The following DOK6 variants were observed in gnomAD, a reference collection of about 807,000 sequenced individuals.
DOK6 encodes the protein docking protein 6.
Under a neutral mutation model 44.0 loss-of-function variants are expected in DOK6, and 22 were observed. That is an observed-to-expected ratio of 0.50 (90% CI 0.36 to 0.71). DOK6 has a LOEUF of 0.71. Among genes scored for constraint, DOK6 ranks in the 30% least tolerant of loss-of-function variants. DOK6 has a pLI of 0.00. For missense variants in DOK6, 340 were observed against 416.4 expected, an observed-to-expected ratio of 0.82 and a Z score of 1.60; for synonymous variants, 166 against 145.5, an observed-to-expected ratio of 1.14 and a Z score of -1.01.
intron 2 of DOK6, among the ~76,000 whole-genome samples, chr18:69,592,997 A>G (rs2144617879): frequency 1.3e-5 from 2 of 152,324 alleles, no homozygotes; most frequent in South Asian, 4.1e-4. Context: ...AAAAAAAGAA[A>G]TGAAGATAGG....
intron 3 of DOK6, among the ~76,000 whole-genome samples, chr18:69,639,096 C>T (rs1256200252): frequency 6.6e-6 from 1 of 152,126 alleles, no homozygotes; most frequent in Non-Finnish European, 1.5e-5. Flanking sequence ...TGTTCTTTCT[C>T]CTGCAGTCTA....
chr18:69,406,846 C>T (rs1916215391), intron 1 of DOK6, among the ~76,000 whole-genome samples: 1 of 152,076 alleles, frequency 6.6e-6, no homozygotes, highest in Admixed American at 6.5e-5. Flanking sequence ...TTTGGGAGGC[C>T]GAGGCTGGCG....
intron 1 of DOK6, among the ~76,000 whole-genome samples, chr18:69,479,464 T>C (rs1341284647): frequency 6.6e-6 from 1 of 152,148 alleles, no homozygotes; most frequent in Non-Finnish European, 1.5e-5. Context: ...TGTAGAAGCA[T>C]GTTTTGCAGG....
chr18:69,570,373 A>G (rs1011776356), intron 2 of DOK6, among the ~76,000 whole-genome samples: 1 of 152,002 alleles, frequency 6.6e-6, no homozygotes, highest in South Asian at 2.1e-4. Context: ...ACTTAAAGAT[A>G]GAACAACAGC....
intron 2 of DOK6, among the ~76,000 whole-genome samples, chr18:69,577,292 C>G (rs149274636): frequency 1.3e-5 from 2 of 152,108 alleles, no homozygotes; most frequent in Admixed American, 6.6e-5. Flanking sequence ...AGAAACGGCC[C>G]TATGCTTGGA....
intron 7 of DOK6, among the ~76,000 whole-genome samples, chr18:69,811,524 TTATATATATATA>T (rs57486782): frequency 7.0e-4 from 66 of 93,726 alleles, no homozygotes; most frequent in African/African-American, 2.0e-3. Context: ...AACCATTCCA[TTATATATATATA>T]TATATATATA....
intron 1 of DOK6, 31 bp downstream of exon 1, chr18:69,401,341 C>G (rs1282897047): frequency 1.4e-6 from 2 of 1,480,112 alleles, no homozygotes; most frequent in East Asian, 5.7e-5. Context: ...GCTCCTTCCC[C>G]GGCGCTCGTT....
At chr18:69,729,073 C>T (rs1253613120) in intron 5 of DOK6, among the ~76,000 whole-genome samples, 2 of 152,058 alleles carry the variant, frequency 1.3e-5, no homozygotes, top group Admixed American at 1.3e-4. Flanking sequence ...ATTAGGAAGC[C>T]TCTAGAGAAG....
chr18:69,601,355 T>C (rs1207874653), intron 3 of DOK6, among the ~76,000 whole-genome samples: 1 of 152,236 alleles, frequency 6.6e-6, no homozygotes. Context: ...GCTCCCATCA[T>C]CTCAAGTTCT....
chr18:69,782,133 A>G (rs1458233423), intron 7 of DOK6, among the ~76,000 whole-genome samples: 1 of 152,074 alleles, frequency 6.6e-6, no homozygotes, highest in African/African-American at 2.4e-5. Flanking sequence ...TGTTTTGAAA[A>G]GTAAGTTCCT....
intron 1 of DOK6, among the ~76,000 whole-genome samples, chr18:69,532,056 C>T (rs1272876360): frequency 6.6e-6 from 1 of 152,160 alleles, no homozygotes; most frequent in Non-Finnish European, 1.5e-5. Context: ...AGAGAGAAGA[C>T]ATCTTTCTGC....
chr18:69,410,954 C>T (rs902372183), intron 1 of DOK6, among the ~76,000 whole-genome samples: 6 of 152,142 alleles, frequency 3.9e-5, no homozygotes, highest in African/African-American at 1.4e-4. Context: ...CAACACCTTG[C>T]TCCTGATATC....
At chr18:69,430,482 C>T (rs912834606) in intron 1 of DOK6, among the ~76,000 whole-genome samples, 8 of 151,996 alleles carry the variant, frequency 5.3e-5, no homozygotes, top group Non-Finnish European at 8.8e-5. Context: ...ACGTAGAAAA[C>T]GATAAAGAAG....
chr18:69,773,960 C>G (rs1219402939), intron 7 of DOK6, among the ~76,000 whole-genome samples: 3 of 150,476 alleles, frequency 2.0e-5, no homozygotes, highest in Non-Finnish European at 3.0e-5. Context: ...AAGATACTTG[C>G]ACATGTATGT....
At chr18:69,750,894 TAA>T (rs1456214394) in intron 6 of DOK6, among the ~76,000 whole-genome samples, 1 of 151,978 alleles carries the variant, frequency 6.6e-6, no homozygotes, top group South Asian at 2.1e-4. Context: ...TATTGAGCCT[TAA>T]AAAGAAAAAC....
intron 7 of DOK6, among the ~76,000 whole-genome samples, chr18:69,772,147 G>A (rs1979906086): frequency 6.6e-6 from 1 of 151,918 alleles, no homozygotes; most frequent in Non-Finnish European, 1.5e-5. Context: ...TCGAGTCTGG[G>A]TGACAGAATG....
intron 6 of DOK6, among the ~76,000 whole-genome samples, chr18:69,743,428 T>C (rs1395330502): frequency 6.6e-6 from 1 of 152,132 alleles, no homozygotes; most frequent in Non-Finnish European, 1.5e-5. Flanking sequence ...AGAAACTGTA[T>C]CACAAATGCT....
chr18:69,637,725 A>AT (rs1337955588), intron 3 of DOK6, among the ~76,000 whole-genome samples: 1 of 102,192 alleles, frequency 9.8e-6, no homozygotes, highest in African/African-American at 3.1e-5. Flanking sequence ...GAAAATTATA[A>AT]TATTCTCTCT....
At chr18:69,652,945 T>G (rs866937792) in intron 3 of DOK6, among the ~76,000 whole-genome samples, 1 of 152,366 alleles carries the variant, frequency 6.6e-6, no homozygotes, top group Non-Finnish European at 1.5e-5. Flanking sequence ...CAGACCCATG[T>G]ATATTCCCTG....
Sources: allele counts gnomAD v4.1 joint callset (sites outside exome capture counted in the v4.1 genomes callset), GRCh38; gene constraint gnomAD v4.1.1; transcripts MANE v1.5; gene names NCBI Gene and HGNC (gene_info 2026-07-23, HGNC 2026-07-21).